TARS1: variants seen among roughly 807,000 people sequenced by gnomAD.
The protein encoded by TARS1 is threonyl-tRNA synthetase 1, also known as threonine--tRNA ligase 1, cytoplasmic.
Under a neutral mutation model 97.7 loss-of-function variants are expected in TARS1, and 57 were observed. The observed-to-expected ratio is 0.58, with a 90% CI of 0.47 to 0.73. The LOEUF (loss-of-function observed/expected upper bound fraction) is 0.73, where lower values mean the gene tolerates loss of function less well. Among genes scored for constraint, TARS1 ranks in the 30% least tolerant of loss-of-function variants. TARS1 has a pLI of 0.00. For missense variants in TARS1, 806 were observed against 888.3 expected, an observed-to-expected ratio of 0.91 and a Z score of 1.18; for synonymous variants, 312 against 293.7, an observed-to-expected ratio of 1.06 and a Z score of -0.64.
chr5:33,451,883 T>C (rs1013109021), intron 3 of TARS1, among the ~76,000 whole-genome samples: 8 of 152,214 alleles, frequency 5.3e-5, no homozygotes, highest in Non-Finnish European at 1.5e-5. Flanking sequence ...TCCTGAAAAC[T>C]GTTTTACACC....
Position 33,466,972 on chromosome 5 carries a change from T to C in TARS1, c.2010T>C (p.Tyr670=). The C allele has an allele frequency of 6.4e-7, 1 of 1,561,900 alleles. No individual in the cohort carries two copies. The highest frequency in any genetic ancestry group is 8.7e-7 in the Non-Finnish European group (1 of 1,154,296). Reference sequence around the variant, plus strand: ...TTCGAAATGCACAGTTAGCACAGTATAACTTCATTTTAGGTAAGAATGGAA... The same window carrying C: ...TTCGAAATGCACAGTTAGCACAGTACAACTTCATTTTAGGTAAGAATGGAA... ...KKIRNAQLAQ[Y]NFILVVGEKE... is the part of the protein sequence containing the mutation. The change falls in exon 18 of 19, where the codon TAT becomes TAC. Residue 670 remains tyrosine (Y), a synonymous_variant. Coordinates refer to ENST00000265112, the MANE Select transcript of TARS1 (RefSeq NM_152295.5).
At chr5:33,449,842 A>G (rs980192672) in intron 3 of TARS1, among the ~76,000 whole-genome samples, 1 of 152,212 alleles carries the variant, frequency 6.6e-6, no homozygotes, top group African/African-American at 2.4e-5. Context: ...TGCAAAGTGT[A>G]AAATATTTGT....
chr5:33,454,270 G>C (rs540493211), intron 4 of TARS1, among the ~76,000 whole-genome samples: 1 of 152,224 alleles, frequency 6.6e-6, no homozygotes, highest in East Asian at 1.9e-4. Context: ...TTATGTATGT[G>C]GATTAGTGGT....
Position 33,462,211 on chromosome 5 carries a change from TTGTCAC to T in TARS1, c.1835+13_1835+18del. 1 of 1,607,260 alleles carries T rather than the reference TTGTCAC, an allele frequency of 6.2e-7. No homozygotes were observed. Among genetic ancestry groups the T allele is most frequent in the Middle Eastern group, 2.2e-4 (1 of 4,574 alleles). ...AAACTATGGGGGCAAATGGTAATTT[TTGTCAC>T]TGTCTTTTTTTTCTGATTAGTATAA... On this transcript the variant is annotated intron_variant, in intron 16 of 18. Coordinates refer to ENST00000265112, the MANE Select transcript of TARS1 (RefSeq NM_152295.5).
Position 33,441,072 on chromosome 5 carries a change from C to T in TARS1, c.-15C>T. The T allele has an allele frequency of 1.2e-6, 2 of 1,614,178 alleles. No homozygotes were observed. Among genetic ancestry groups the T allele is most frequent in the South Asian group, 1.1e-5 (1 of 91,088 alleles). On this transcript the variant is annotated 5_prime_UTR_variant, in exon 1 of 19. Transcript: ENST00000265112. ...CCGTCGCTTTCGGGTTCTCTCATCGCTTCGTCGTTCGCCAATGTTTGAGGA... is the reference window on the plus strand; with the variant it reads ...CCGTCGCTTTCGGGTTCTCTCATCGTTTCGTCGTTCGCCAATGTTTGAGGA...
At chr5:33,442,377 CATAA>C (rs1233717688) in intron 1 of TARS1, among the ~76,000 whole-genome samples, 1 of 142,046 alleles carries the variant, frequency 7.0e-6, no homozygotes, top group Non-Finnish European at 1.5e-5. Flanking sequence ...TTTCCATGTC[CATAA>C]ATATTCTCCT....
At chr5:33,446,618 G>C (rs1368479249) in intron 2 of TARS1, 2 of 1,250,666 alleles carry the variant, frequency 1.6e-6, no homozygotes, top group Admixed American at 4.6e-5. Flanking sequence ...GCAACTTGCA[G>C]GTTTTATTCA....
At chr5:33,441,276 T>A in intron 1 of TARS1, 133 bp downstream of exon 1, 1 of 1,046,360 alleles carries the variant, frequency 9.6e-7, no homozygotes, top group African/African-American at 1.6e-5. Context: ...TGGGGGATGG[T>A]GGGACTCCTG....
At chr5:33,446,003 A>C (rs1403546344) in intron 2 of TARS1, 1 of 153,724 alleles carries the variant, frequency 6.5e-6, no homozygotes, top group Non-Finnish European at 1.4e-5. Context: ...TTTTACAGGC[A>C]GTTAAGCTTG....
In TARS1 at chr5:33,455,673, T is replaced by A. The variant is rs1741975514; in HGVS notation, c.662T>A (p.Val221Asp). 7 of 1,611,778 alleles carry A rather than the reference T, an allele frequency of 4.3e-6. No individual in the cohort carries two copies. The highest frequency in any genetic ancestry group is 5.9e-6 in the Non-Finnish European group (7 of 1,178,214). Residue 221 changes from valine to aspartate, a missense_variant, in exon 6 of 19, where the codon GTT becomes GAT. Val to Asp is a radical substitution (Grantham distance 152, BLOSUM62 -3). Coordinates refer to ENST00000265112, the MANE Select transcript of TARS1 (RefSeq NM_152295.5). ...KEKQAFERLE[V>D]KKETLLAMFK... Reference sequence around the variant, plus strand: ...AAACAAGCTTTTGAAAGACTGGAAGTTAAGAAAGAAACTTTACTGGCAATG... The same window carrying A: ...AAACAAGCTTTTGAAAGACTGGAAGATAAGAAAGAAACTTTACTGGCAATG...
At chr5:33,442,972 C>G (rs16891141) in intron 1 of TARS1, among the ~76,000 whole-genome samples, 27,919 of 152,072 alleles carry the variant, frequency 0.18, 2,950 homozygotes, top group African/African-American at 0.29. Flanking sequence ...CTGTGCTGTT[C>G]TGAGTGAGTC....
intron 3 of TARS1, among the ~76,000 whole-genome samples, chr5:33,451,492 G>A (rs949068890): frequency 1.3e-4 from 20 of 151,254 alleles, no homozygotes; most frequent in Non-Finnish European, 4.4e-5. Flanking sequence ...CTCCTGCCTC[G>A]GCCTCCTGAG....
At chr5:33,456,772 T>A (rs1395863529) in intron 8 of TARS1, among the ~76,000 whole-genome samples, 1 of 152,174 alleles carries the variant, frequency 6.6e-6, no homozygotes, top group Non-Finnish European at 1.5e-5. Context: ...GTGGGCAGTT[T>A]TGGGGGTATT....
chr5:33,452,993 A>T (rs996538878), intron 3 of TARS1, among the ~76,000 whole-genome samples: 6 of 152,080 alleles, frequency 3.9e-5, no homozygotes, highest in Non-Finnish European at 8.8e-5. Flanking sequence ...GGAGAAATTA[A>T]GATTATTCAA....
chr5:33,450,352 A>G (rs552023055), intron 3 of TARS1, among the ~76,000 whole-genome samples: 6 of 152,326 alleles, frequency 3.9e-5, no homozygotes, highest in South Asian at 2.1e-4. Context: ...TGGGGAACCA[A>G]CGTGGCTGAT....
intron 8 of TARS1, 47 bp from the exon 9 acceptor site, chr5:33,457,210 A>G (rs750301393): frequency 1.3e-6 from 2 of 1,596,876 alleles, no homozygotes; most frequent in South Asian, 1.1e-5. Flanking sequence ...AATAAGTGAG[A>G]TGTTTACAAA....
Position 33,448,594 on chromosome 5 carries a change from A to G in TARS1, c.192A>G (p.Leu64=), listed in dbSNP as rs773878325. ...IYTRLEMYNI[L]KAEHDSILAE... is the part of the protein sequence containing the mutation. ...CACGTCTTGAGATGTATAATATACT[A>G]AAAGCAGAACATGATTCCATTCTGG... The change falls in exon 3 of 19, where the codon CTA becomes CTG. Residue 64 remains leucine, a synonymous_variant. Transcript: ENST00000265112. 1.2e-6 allele frequency: 2 copies of G among 1,613,656 alleles called. No homozygotes were observed. Among genetic ancestry groups the G allele is most frequent in the Non-Finnish European group, 8.5e-7 (1 of 1,179,844 alleles).
rs1409307285 is a variant in TARS1, at chr5:33,453,313, T to TA, written c.355dup (p.Ile119AsnfsTer3). 2.5e-6 allele frequency: 4 copies of TA among 1,608,442 alleles called. No homozygotes were observed. In the Admixed American group the frequency reaches 6.7e-5, roughly 27 times the overall value. ...GTCAAGGCCTGGCCGACAACACCGT[T>TA]ATTGCTAAAGTAAATAATGTTGTGT... On this transcript the variant is annotated frameshift_variant, in exon 4 of 19. Coordinates refer to ENST00000265112, the MANE Select transcript of TARS1 (RefSeq NM_152295.5). LOFTEE classifies it high-confidence loss of function.
At chr5:33,458,738 G>A in intron 10 of TARS1, 74 bp downstream of exon 10, 1 of 1,163,338 alleles carries the variant, frequency 8.6e-7, no homozygotes, top group South Asian at 1.4e-5. Flanking sequence ...TCTACTAAAA[G>A]GAAAGATAAT....
Sources: allele counts gnomAD v4.1 joint callset (sites outside exome capture counted in the v4.1 genomes callset), GRCh38; gene constraint gnomAD v4.1.1; transcripts MANE v1.5; gene names NCBI Gene and HGNC (gene_info 2026-07-23, HGNC 2026-07-21).